Variants in VOPP1 observed in about 807,000 individuals in gnomAD.
The protein encoded by VOPP1 is VOPP1 WW domain binding protein, also known as WW domain binding protein VOPP1.
VOPP1 carries 8 observed loss-of-function variants against 23.5 expected under a neutral mutation model. That is an observed-to-expected ratio of 0.34 (90% CI 0.20 to 0.61). The LOEUF is 0.61. VOPP1 is among the 20% of genes least tolerant of loss of function. The pLI is 0.78. For synonymous variants in VOPP1, 83 were observed against 97.3 expected (o/e 0.85, Z 0.86); for missense variants, 174 against 238.1 (o/e 0.73, Z 1.77).
intron 1 of VOPP1, among the ~76,000 whole-genome samples, chr7:55,567,270 C>CA (rs1798193234): frequency 6.6e-6 from 1 of 152,186 alleles, no homozygotes. Flanking sequence ...CAGAGCAAAA[C>CA]CTTTGCCCCT....
In VOPP1 at chr7:55,507,415, A is replaced by G. The variant is rs112485969; in HGVS notation, c.114-9725T>C. Among the ~76,000 whole-genome samples, 219 of 151,722 alleles carry G rather than the reference A, an allele frequency of 1.4e-3. 3 individuals are homozygous for G. The highest frequency in any genetic ancestry group is 2.6e-3 in the Non-Finnish European group (179 of 67,988). ...GTTGTTCTGGCTTTTCTGAGCAGGTATATTTTTTTTTAACAGCTTTATTGA... is the reference window on the plus strand; with the variant it reads ...GTTGTTCTGGCTTTTCTGAGCAGGTGTATTTTTTTTTAACAGCTTTATTGA... On this transcript the variant is annotated intron_variant, in intron 2 of 4. Transcript: ENST00000285279.
chr7:55,455,332 T>C (rs1335944280), intron 4 of VOPP1, among the ~76,000 whole-genome samples: 1 of 152,226 alleles, frequency 6.6e-6, no homozygotes, highest in East Asian at 1.9e-4. Flanking sequence ...AAACATTCCA[T>C]GCTCATGGAT....
At chr7:55,525,836 T>C (rs147126493) in intron 1 of VOPP1, among the ~76,000 whole-genome samples, 1,635 of 93,580 alleles carry the variant, frequency 0.017, 12 homozygotes, top group Middle Eastern at 0.041. Flanking sequence ...GTATGGAAAC[T>C]AAGGGGGAAA....
intron 4 of VOPP1, among the ~76,000 whole-genome samples, chr7:55,454,846 C>T (rs1460453942): frequency 6.6e-6 from 1 of 152,158 alleles, no homozygotes; most frequent in Non-Finnish European, 1.5e-5. Flanking sequence ...CAATATCATA[C>T]TGAATGGGCA....
At chr7:55,549,700 A>G (rs1797520609) in intron 1 of VOPP1, among the ~76,000 whole-genome samples, 1 of 152,162 alleles carries the variant, frequency 6.6e-6, no homozygotes, top group Non-Finnish European at 1.5e-5. Context: ...AATGAGCAGA[A>G]GCTCATCTAA....
intron 2 of VOPP1, among the ~76,000 whole-genome samples, chr7:55,517,924 C>T (rs1024441271): frequency 3.9e-5 from 6 of 152,178 alleles, no homozygotes; most frequent in Non-Finnish European, 7.3e-5. Context: ...CAAGCCACCC[C>T]ATGTGTGCTG....
intron 1 of VOPP1, among the ~76,000 whole-genome samples, chr7:55,523,132 C>T (rs752704969): frequency 6.6e-6 from 1 of 152,178 alleles, no homozygotes; most frequent in African/African-American, 2.4e-5. Flanking sequence ...GAGAGCTCCC[C>T]TGAGGAACCC....
intron 1 of VOPP1, among the ~76,000 whole-genome samples, chr7:55,532,457 G>A (rs1013048067): frequency 7.9e-5 from 12 of 152,150 alleles, no homozygotes; most frequent in African/African-American, 2.9e-4. Context: ...GTGCTGTGTC[G>A]GTTTATTCTT....
At chr7:55,517,562 C>T (rs1583998245) in intron 2 of VOPP1, among the ~76,000 whole-genome samples, 2 of 152,282 alleles carry the variant, frequency 1.3e-5, no homozygotes, top group East Asian at 1.9e-4. Flanking sequence ...AGCAGCAGGG[C>T]GAGCTGGGCT....
intron 4 of VOPP1, among the ~76,000 whole-genome samples, chr7:55,482,976 T>C (rs1792856131): frequency 6.6e-6 from 1 of 152,200 alleles, no homozygotes; most frequent in African/African-American, 2.4e-5. Flanking sequence ...TTCCAGTGCA[T>C]TACACAGAGC....
chr7:55,465,514 G>A (rs552048075), intron 4 of VOPP1, among the ~76,000 whole-genome samples: 21 of 152,196 alleles, frequency 1.4e-4, no homozygotes, highest in Admixed American at 4.6e-4. Context: ...CTCCTCTGAC[G>A]ATACCACAGA....
intron 2 of VOPP1, among the ~76,000 whole-genome samples, chr7:55,517,568 G>A (rs1480095954): frequency 6.6e-6 from 1 of 152,158 alleles, no homozygotes; most frequent in Non-Finnish European, 1.5e-5. Flanking sequence ...AGGGCGAGCT[G>A]GGCTGGATGT....
intron 2 of VOPP1, among the ~76,000 whole-genome samples, chr7:55,513,161 G>C (rs1428707491): frequency 6.7e-6 from 1 of 148,904 alleles, no homozygotes; most frequent in Non-Finnish European, 1.5e-5. Flanking sequence ...GCAGGAATGG[G>C]CTCTGCCTCC....
At chr7:55,482,040 T>C (rs1015360110) in intron 4 of VOPP1, among the ~76,000 whole-genome samples, 4 of 152,216 alleles carry the variant, frequency 2.6e-5, no homozygotes, top group Non-Finnish European at 5.9e-5. Flanking sequence ...TATTTTTACA[T>C]TTTTGTTTTA....
chr7:55,463,909 G>A (rs1448545199), intron 4 of VOPP1, among the ~76,000 whole-genome samples: 1 of 152,246 alleles, frequency 6.6e-6, no homozygotes, highest in African/African-American at 2.4e-5. Flanking sequence ...AACTCCGGCA[G>A]ACTGGGCAGG....
chr7:55,448,657 G>A (rs1207165769), intron 4 of VOPP1, among the ~76,000 whole-genome samples: 2 of 152,206 alleles, frequency 1.3e-5, no homozygotes, highest in Non-Finnish European at 2.9e-5. Flanking sequence ...GCTCCAGAAA[G>A]GGAAGGGAGA....
rs202033592 is a variant in VOPP1, at chr7:55,497,734, G to A, written c.114-44C>T. On this transcript the variant is annotated intron_variant, in intron 2 of 4. Coordinates refer to ENST00000285279, the MANE Select transcript of VOPP1 (RefSeq NM_030796.5). Reference sequence around the variant, plus strand: ...GCTGGTCAGCACTGAATTGGAAGCAGCCACCGGACCAGCCATGCGGCCCAG... The same window carrying A: ...GCTGGTCAGCACTGAATTGGAAGCAACCACCGGACCAGCCATGCGGCCCAG... 1,100 of 1,574,212 alleles carry A rather than the reference G, an allele frequency of 7.0e-4. 1 individual carries two copies. The highest frequency in any genetic ancestry group is 1.8e-3 in the South Asian group (164 of 90,162).
intron 4 of VOPP1, among the ~76,000 whole-genome samples, chr7:55,458,914 T>C (rs952122329): frequency 2.0e-5 from 3 of 152,190 alleles, no homozygotes; most frequent in Admixed American, 6.5e-5. Flanking sequence ...TAGTGCTATG[T>C]TGAATAAGAG....
chr7:55,522,526 G>C (rs933768963), intron 1 of VOPP1, among the ~76,000 whole-genome samples: 2 of 152,204 alleles, frequency 1.3e-5, no homozygotes, highest in African/African-American at 4.8e-5. Context: ...CATTTCACTA[G>C]AGTCTTCTGT....
Sources: gnomAD v4.1 joint callset for allele counts (sites outside exome capture counted in the v4.1 genomes callset) on GRCh38, gnomAD v4.1.1 for gene constraint, MANE v1.5 for transcripts, NCBI Gene and HGNC (gene_info 2026-07-23, HGNC 2026-07-21) for gene names.